HS3ST4: variants seen among roughly 807,000 people sequenced by gnomAD.
The protein encoded by HS3ST4 is heparan sulfate glucosamine 3-O-sulfotransferase 4.
Under a neutral mutation model 29.2 loss-of-function variants are expected in HS3ST4, and 17 were observed. The ratio of observed to expected loss-of-function variants is 0.58; its 90% CI spans 0.40 to 0.87. The LOEUF is 0.87. HS3ST4 is among the 40% of genes least tolerant of loss of function. The pLI is 0.00. For synonymous variants in HS3ST4, 314 were observed against 285.7 expected, an observed-to-expected ratio of 1.10 and a Z score of -1.00; for missense variants, 627 against 634.5, an observed-to-expected ratio of 0.99 and a Z score of 0.13.
intron 1 of HS3ST4, among the ~76,000 whole-genome samples, chr16:25,904,687 T>C (rs143061893): frequency 6.6e-6 from 1 of 152,322 alleles, no homozygotes; most frequent in African/African-American, 2.4e-5. Context: ...AATTTTGAGA[T>C]TTTAATAATA....
chr16:25,898,601 C>T (rs4371161), intron 1 of HS3ST4, among the ~76,000 whole-genome samples: 27,216 of 152,172 alleles, frequency 0.18, 2,439 homozygotes, highest in African/African-American at 0.19. Context: ...GATTAAAATA[C>T]AATAAATTAT....
intron 1 of HS3ST4, among the ~76,000 whole-genome samples, chr16:25,858,285 T>TC (rs1967604438): frequency 6.6e-6 from 1 of 152,062 alleles, no homozygotes; most frequent in East Asian, 1.9e-4. Flanking sequence ...CACTCGTTCA[T>TC]AGAAATATTT....
In HS3ST4 at chr16:25,889,797, C is replaced by T. The variant is rs528456152; in HGVS notation, c.734+196646C>T. ...ATCCCCACATGTCATGGGAGGGGCTCGGTAGGAGGTAATTGAATCATTGGG... is the reference window on the plus strand; with the variant it reads ...ATCCCCACATGTCATGGGAGGGGCTTGGTAGGAGGTAATTGAATCATTGGG... On this transcript the variant is annotated intron_variant, in intron 1 of 1. Transcript: ENST00000331351. Among the ~76,000 whole-genome samples, 12 of 152,148 alleles carry T rather than the reference C, an allele frequency of 7.9e-5. No homozygotes were observed. The South Asian group carries it at 1.7e-3, about 21-fold the overall frequency.
chr16:25,990,406 C>T (rs891437879), intron 1 of HS3ST4, among the ~76,000 whole-genome samples: 3 of 152,206 alleles, frequency 2.0e-5, no homozygotes, highest in Non-Finnish European at 4.4e-5. Flanking sequence ...TGCTCCACAT[C>T]CTTGCCAACT....
intron 1 of HS3ST4, among the ~76,000 whole-genome samples, chr16:26,134,291 A>T (rs1255051250): frequency 6.6e-6 from 1 of 151,126 alleles, no homozygotes; most frequent in Non-Finnish European, 1.5e-5. Context: ...CCTATGCTAG[A>T]TCTTTCATCT....
intron 1 of HS3ST4, among the ~76,000 whole-genome samples, chr16:26,116,915 G>A (rs1899208894): frequency 1.3e-5 from 2 of 152,128 alleles, no homozygotes; most frequent in African/African-American, 4.8e-5. Context: ...TGCTCAACCA[G>A]TATAATGCAA....
intron 1 of HS3ST4, among the ~76,000 whole-genome samples, chr16:26,103,090 AT>A (rs1051357348): frequency 9.2e-5 from 14 of 152,262 alleles, no homozygotes; most frequent in African/African-American, 3.4e-4. Context: ...ACCATATCTG[AT>A]TGCAAGGGAG....
chr16:25,995,913 A>G (rs897717839), intron 1 of HS3ST4, among the ~76,000 whole-genome samples: 6 of 152,080 alleles, frequency 3.9e-5, no homozygotes, highest in Non-Finnish European at 8.8e-5. Flanking sequence ...ATTTCCTCCA[A>G]ACTCTACCAG....
intron 1 of HS3ST4, among the ~76,000 whole-genome samples, chr16:25,965,757 G>T (rs1013203355): frequency 6.6e-6 from 1 of 152,144 alleles, no homozygotes; most frequent in African/African-American, 2.4e-5. Context: ...GAATCATAAT[G>T]AACAAAATAC....
At chr16:26,022,702 G>A (rs1490148562) in intron 1 of HS3ST4, among the ~76,000 whole-genome samples, 2 of 147,150 alleles carry the variant, frequency 1.4e-5, no homozygotes, top group Non-Finnish European at 3.0e-5. Context: ...TTTTAAGAGA[G>A]TCTTGCTATG....
chr16:25,938,089 A>G (rs952084406), intron 1 of HS3ST4, among the ~76,000 whole-genome samples: 4 of 152,148 alleles, frequency 2.6e-5, no homozygotes, highest in African/African-American at 9.7e-5. Flanking sequence ...TTCTACTAGC[A>G]GGTGTTGAAA....
At chr16:25,732,847 A>G (rs996497679) in intron 1 of HS3ST4, among the ~76,000 whole-genome samples, 1 of 152,204 alleles carries the variant, frequency 6.6e-6, no homozygotes, top group African/African-American at 2.4e-5. Flanking sequence ...AATCGGTCGC[A>G]ATAGTTCCTC....
intron 1 of HS3ST4, among the ~76,000 whole-genome samples, chr16:25,723,567 G>A (rs964631535): frequency 6.6e-6 from 1 of 152,138 alleles, no homozygotes; most frequent in Non-Finnish European, 1.5e-5. Flanking sequence ...TGTGATCATT[G>A]AAGCCGTCTT....
intron 1 of HS3ST4, among the ~76,000 whole-genome samples, chr16:25,975,294 G>A (rs1464295679): frequency 2.0e-5 from 3 of 151,842 alleles, no homozygotes; most frequent in Non-Finnish European, 2.9e-5. Context: ...CTATTAGAGG[G>A]GGAAGGGAGG....
intron 1 of HS3ST4, among the ~76,000 whole-genome samples, chr16:25,770,181 G>A (rs1966840102): frequency 6.6e-6 from 1 of 152,166 alleles, no homozygotes; most frequent in Non-Finnish European, 1.5e-5. Context: ...TTCTAGGGAT[G>A]CCTAGAATTT....
chr16:25,910,709 C>A (rs1968230160), intron 1 of HS3ST4, among the ~76,000 whole-genome samples: 1 of 151,810 alleles, frequency 6.6e-6, no homozygotes, highest in Non-Finnish European at 1.5e-5. Context: ...AATAAGTAAA[C>A]AAATGGGTGT....
At chr16:26,115,262 T>TAC (rs1249394887) in intron 1 of HS3ST4, among the ~76,000 whole-genome samples, 8 of 147,718 alleles carry the variant, frequency 5.4e-5, no homozygotes, top group South Asian at 2.1e-4. Flanking sequence ...TATATACATA[T>TAC]ATATACACAC....
intron 1 of HS3ST4, among the ~76,000 whole-genome samples, chr16:26,068,412 A>G (rs1042328250): frequency 7.2e-5 from 11 of 152,222 alleles, no homozygotes; most frequent in Non-Finnish European, 1.5e-4. Context: ...GATCAATAAA[A>G]TAGAGTAATA....
At chr16:25,880,059 T>C (rs746706570) in intron 1 of HS3ST4, among the ~76,000 whole-genome samples, 4 of 152,170 alleles carry the variant, frequency 2.6e-5, no homozygotes, top group Non-Finnish European at 5.9e-5. Context: ...GAGATTTGGA[T>C]GGGGACGCAG....
Sources: allele counts gnomAD v4.1 joint callset (sites outside exome capture counted in the v4.1 genomes callset), GRCh38; gene constraint gnomAD v4.1.1; transcripts MANE v1.5; gene names NCBI Gene and HGNC (gene_info 2026-07-23, HGNC 2026-07-21).